The following PRKCE variants were observed in gnomAD, a reference collection of about 807,000 sequenced individuals.
PRKCE encodes protein kinase C epsilon, also known as protein kinase C epsilon type.
PRKCE carries 16 observed loss-of-function variants against 85.4 expected under a neutral mutation model. The observed-to-expected ratio is 0.19, with a 90% CI of 0.13 to 0.28. The LOEUF is 0.28. Ranked by LOEUF, PRKCE falls within the 10% of genes least tolerant of loss-of-function variation. PRKCE has a pLI of 1.00. For synonymous variants in PRKCE, 388 were observed against 371.5 expected (o/e 1.04, Z -0.51); for missense variants, 573 against 975.2 (o/e 0.59, Z 5.49).
chr2:45,795,535 C>T (rs537480009), intron 1 of PRKCE, among the ~76,000 whole-genome samples: 92 of 152,234 alleles, frequency 6.0e-4, no homozygotes, highest in African/African-American at 2.1e-3. Flanking sequence ...GTCTCGAACT[C>T]CTGACCTCAG....
chr2:45,985,647 A>G (rs1703261994), intron 6 of PRKCE, among the ~76,000 whole-genome samples: 1 of 152,200 alleles, frequency 6.6e-6, no homozygotes, highest in Non-Finnish European at 1.5e-5. Context: ...AAATAAGATC[A>G]GGGCTGCAGT....
chr2:46,056,642 A>T (rs1160557800), intron 10 of PRKCE, among the ~76,000 whole-genome samples: 1 of 152,188 alleles, frequency 6.6e-6, no homozygotes, highest in Non-Finnish European at 1.5e-5. Context: ...ACTCTGCCTC[A>T]TGAGTAATTA....
At chr2:46,150,117 T>A (rs1408327884) in intron 12 of PRKCE, among the ~76,000 whole-genome samples, 1 of 152,166 alleles carries the variant, frequency 6.6e-6, no homozygotes, top group African/African-American at 2.4e-5. Flanking sequence ...CCCAAAGTGC[T>A]AGGATTACAG....
chr2:45,838,205 T>C lies in PRKCE; in HGVS notation c.349-4795T>C, dbSNP rs1051293273. Reference sequence around the variant, plus strand: ...CCTGAAAAGGGGAATGAGCCCACTCTGGGGACGGGAGGGTTGAAGGAAGGA... The same window carrying C: ...CCTGAAAAGGGGAATGAGCCCACTCCGGGGACGGGAGGGTTGAAGGAAGGA... On this transcript the variant is annotated intron_variant, in intron 1 of 14. Transcript: ENST00000306156. Among the ~76,000 whole-genome samples the C allele has an allele frequency of 2.0e-5, 3 of 152,200 alleles. No homozygotes were observed. In the East Asian group the frequency reaches 5.8e-4, roughly 29 times the overall value.
chr2:45,787,905 C>G (rs373586322), intron 1 of PRKCE, among the ~76,000 whole-genome samples: 1 of 152,166 alleles, frequency 6.6e-6, no homozygotes, highest in Non-Finnish European at 1.5e-5. Flanking sequence ...CAGAGCATTG[C>G]GATCCTGCCA....
intron 1 of PRKCE, chr2:45,701,347 T>C (rs1340384416): frequency 4.6e-5 from 7 of 152,136 alleles, no homozygotes; most frequent in African/African-American, 1.4e-4. Flanking sequence ...TATCTATTGA[T>C]TGATCCACCT....
At chr2:45,919,308 G>A (rs1016210936) in intron 2 of PRKCE, among the ~76,000 whole-genome samples, 1 of 152,198 alleles carries the variant, frequency 6.6e-6, no homozygotes, top group African/African-American at 2.4e-5. Flanking sequence ...GGCTGGGCTG[G>A]GCCGTGGACT....
chr2:45,976,553 G>A lies in PRKCE; in HGVS notation c.537G>A (p.Gln179=), dbSNP rs1239077396. 1.3e-6 allele frequency: 2 copies of A among 1,599,768 alleles called. No individual in the cohort carries two copies. The highest frequency in any genetic ancestry group is 3.3e-5 in the Admixed American group (2 of 60,000). The change falls in exon 3 of 15, where the codon CAG becomes CAA. Residue 179 remains glutamine (Q), a synonymous_variant. Coordinates refer to ENST00000306156, the MANE Select transcript of PRKCE (RefSeq NM_005400.3). ...AGTTCATGGCCACCTATCTTCGGCA[G>A]CCCACCTACTGCTCCCATTGCAGAG... The part of the protein sequence containing the change: ...GHKFMATYLR[Q]PTYCSHCRDF...
At chr2:45,654,484 GGT>G (rs1280993414) in intron 1 of PRKCE, among the ~76,000 whole-genome samples, 3 of 152,236 alleles carry the variant, frequency 2.0e-5, no homozygotes, top group East Asian at 3.9e-4. Context: ...GACAAGCAAA[GGT>G]GGGTTGGAAG....
chr2:45,791,747 G>GC (rs1461436335), intron 1 of PRKCE, among the ~76,000 whole-genome samples: 1 of 152,180 alleles, frequency 6.6e-6, no homozygotes, highest in Non-Finnish European at 1.5e-5. Context: ...CTCTGCCCTT[G>GC]CTGGTGCTAA....
chr2:45,720,401 G>T (rs912121839), intron 1 of PRKCE, among the ~76,000 whole-genome samples: 2 of 152,118 alleles, frequency 1.3e-5, no homozygotes, highest in Non-Finnish European at 2.9e-5. Flanking sequence ...CCTCCCAGGG[G>T]TAGCTTGGGG....
At chr2:45,879,101 C>T (rs1319213493) in intron 2 of PRKCE, among the ~76,000 whole-genome samples, 3 of 152,168 alleles carry the variant, frequency 2.0e-5, no homozygotes, top group Non-Finnish European at 4.4e-5. Flanking sequence ...TCCAAAGCAC[C>T]CTGGCCCACC....
intron 1 of PRKCE, among the ~76,000 whole-genome samples, chr2:45,779,251 A>G (rs1030906829): frequency 6.6e-6 from 1 of 152,202 alleles, no homozygotes; most frequent in Non-Finnish European, 1.5e-5. Context: ...CTCCTGGCCA[A>G]CTTGTAGAGG....
intron 2 of PRKCE, among the ~76,000 whole-genome samples, chr2:45,968,863 G>C (rs913558561): frequency 6.6e-6 from 1 of 151,844 alleles, no homozygotes; most frequent in Non-Finnish European, 1.5e-5. Context: ...TGGTGCCAGG[G>C]GCCATCTCTC....
rs376720253 is a variant in PRKCE at position 45,992,257 on chromosome 2, A to G, written c.823+7577A>G. Among the ~76,000 whole-genome samples, 95 of 152,282 alleles carry G rather than the reference A, an allele frequency of 6.2e-4. 1 individual carries two copies. The highest frequency in any genetic ancestry group is 2.2e-3 in the African/African-American group (91 of 41,572). ...TGGGGACCATGAGAATGTCCCCTGT[A>G]CACGTGGCAGATTGGCTGAAAATTC... On this transcript the variant is annotated intron_variant, in intron 6 of 14. Transcript: ENST00000306156.
chr2:45,863,856 G>A (rs142949257), intron 2 of PRKCE, among the ~76,000 whole-genome samples: 2,410 of 152,222 alleles, frequency 0.016, 36 homozygotes, highest in Non-Finnish European at 0.021. Context: ...GTAGGGACGG[G>A]AATGGTGCGC....
At chr2:45,941,574 G>A (rs546606841) in intron 2 of PRKCE, among the ~76,000 whole-genome samples, 1 of 152,316 alleles carries the variant, frequency 6.6e-6, no homozygotes, top group South Asian at 2.1e-4. Flanking sequence ...AACTTCAACG[G>A]AACCTTGAAG....
chr2:45,744,538 CTTTCTTTCTTT>C (rs1558624221), intron 1 of PRKCE, among the ~76,000 whole-genome samples: 4,407 of 68,104 alleles, frequency 0.065, 438 homozygotes, highest in African/African-American at 0.16. Context: ...TTCTTTCCTT[CTTTCTTTCTTT>C]CTTCCTTCCT....
rs1680321316 is a variant in PRKCE, at chr2:46,184,639, T to C, written c.2068-96T>C. 1 of 1,466,538 alleles carries C rather than the reference T, an allele frequency of 6.8e-7. No individual in the cohort carries two copies. Among genetic ancestry groups the C allele is most frequent in the Admixed American group, 2.0e-5 (1 of 49,088 alleles). The allele number at this position is 1,466,538 out of a possible 1,614,324, so 90.8% of individuals were successfully genotyped here. A position where few individuals can be genotyped will look rare whatever the true frequency, so the allele number is the denominator to read the frequency against. On this transcript the variant is annotated intron_variant, in intron 14 of 14. Coordinates refer to ENST00000306156, the MANE Select transcript of PRKCE (RefSeq NM_005400.3). This position sits in a 1 kb window ranked among gnomAD's most constrained non-coding sequence, Gnocchi z 5.0. ...TCTGTTGGTAGCTAGAGGCCTGCTTTGGTGACAGGCTGGTCAGTGCGGTGC... is the reference window on the plus strand; with the variant it reads ...TCTGTTGGTAGCTAGAGGCCTGCTTCGGTGACAGGCTGGTCAGTGCGGTGC...
Sources: gnomAD v4.1 joint callset for allele counts (sites outside exome capture counted in the v4.1 genomes callset) on GRCh38, gnomAD v4.1.1 for gene constraint, Gnocchi (gnomAD v3.1) non-coding constraint, MANE v1.5 for transcripts, NCBI Gene and HGNC (gene_info 2026-07-23, HGNC 2026-07-21) for gene names.